DENND1C: variants seen among roughly 807,000 people sequenced by gnomAD.
DENND1C encodes the protein DENN domain containing 1C.
In DENND1C, 64 loss-of-function variants were observed where a neutral mutation model predicts 87.9. That is an observed-to-expected ratio of 0.73 (90% CI 0.60 to 0.90). The LOEUF (loss-of-function observed/expected upper bound fraction) is 0.90, where lower values mean the gene tolerates loss of function less well. DENND1C is among the 40% of genes least tolerant of loss of function. DENND1C has a pLI of 0.00. For missense variants in DENND1C, 980 were observed against 1,037.0 expected, an observed-to-expected ratio of 0.95 and a Z score of 0.76; for synonymous variants, 384 against 424.4, an observed-to-expected ratio of 0.90 and a Z score of 1.17.
At position 6,476,937 on chromosome 19, in the gene DENND1C, T is replaced by C. The variant is rs756013387; in HGVS notation, c.598A>G (p.Thr200Ala). Residue 200 changes from threonine to alanine, a missense_variant, in exon 10 of 23, where the codon ACT becomes GCT. Physicochemically the swap from Thr to Ala is moderately conservative, Grantham distance 58. Coordinates refer to ENST00000381480, the MANE Select transcript of DENND1C (RefSeq NM_024898.4). ...RNLTELVVAV[T>A]DENIVGLFAA... The stretch of plus-strand genomic sequence containing the variant: ...AACAGCCCCACGATGTTCTCGTCAG[T>C]CACGGCCACCACCAGCTCCGTTAGG... 3.1e-6 allele frequency: 5 copies of C among 1,613,506 alleles called. No individual in the cohort carries two copies. In the African/African-American group the frequency reaches 6.7e-5, roughly 22 times the overall value.
intron 6 of DENND1C, 138 bp downstream of exon 6, chr19:6,478,645 G>A (rs1317035402): frequency 1.4e-5 from 14 of 985,292 alleles, no homozygotes; most frequent in Non-Finnish European, 1.8e-5. Context: ...CTCCCACCTC[G>A]GCCTCCCAAA....
intron 6 of DENND1C, among the ~76,000 whole-genome samples, chr19:6,477,933 G>A (rs186194795): frequency 1.7e-3 from 260 of 150,878 alleles, no homozygotes; most frequent in African/African-American, 6.2e-3. Flanking sequence ...AAAATTAGCC[G>A]GGCTGGTGGG....
intron 1 of DENND1C, chr19:6,480,524 A>G (rs1913485903): frequency 1.0e-6 from 1 of 958,210 alleles, no homozygotes; most frequent in Non-Finnish European, 1.2e-6. Flanking sequence ...CCATCCATCC[A>G]TCCACCCACC....
intron 13 of DENND1C, 21 bp from the exon 14 acceptor site, chr19:6,475,420 C>T: frequency 6.2e-7 from 1 of 1,612,380 alleles, no homozygotes; most frequent in African/African-American, 1.3e-5. Context: ...AGGGAGTGGC[C>T]CTGAGTGGGC....
chr19:6,475,236 A>G, intron 14 of DENND1C, 38 bp downstream of exon 14: 3 of 1,610,082 alleles, frequency 1.9e-6, no homozygotes, highest in Non-Finnish European at 2.5e-6. Flanking sequence ...TCATTCAGGA[A>G]CCCACGAGAC....
At chr19:6,476,087 A>G in intron 10 of DENND1C, 150 bp from the exon 11 acceptor site, 1 of 743,470 alleles carries the variant, frequency 1.3e-6, no homozygotes, top group African/African-American at 1.8e-5. Flanking sequence ...TTTAGAAATC[A>G]TGTGGAGACC....
At chr19:6,469,799 T>G in intron 18 of DENND1C, 159 bp from the exon 19 acceptor site, 1 of 688,806 alleles carries the variant, frequency 1.5e-6, no homozygotes. Context: ...CAATGCAAAC[T>G]TTCACCCCTT....
intron 1 of DENND1C, 145 bp downstream of exon 1, chr19:6,481,534 G>T: frequency 1.8e-6 from 2 of 1,124,970 alleles, no homozygotes; most frequent in Non-Finnish European, 2.5e-6. Context: ...CATAGCGGAG[G>T]CCCATGGAGT....
chr19:6,476,217 G>A (rs2092859210), intron 10 of DENND1C: 1 of 439,402 alleles, frequency 2.3e-6, no homozygotes, highest in East Asian at 4.2e-5. Flanking sequence ...CATGCAGGTA[G>A]AGCAAGGACT....
At chr19:6,470,057 G>C in intron 18 of DENND1C, 1 of 512,072 alleles carries the variant, frequency 2.0e-6, no homozygotes. Context: ...ATTTTAAAGG[G>C]GCCGTGGGCG....
At chr19:6,481,059 C>T (rs977909053) in intron 1 of DENND1C, among the ~76,000 whole-genome samples, 3 of 151,708 alleles carry the variant, frequency 2.0e-5, no homozygotes, top group Admixed American at 2.0e-4. Flanking sequence ...CCCATAGAAC[C>T]CTCGTGGCTG....
At position 6,467,278 on chromosome 19, in the gene DENND1C, G is replaced by T; in HGVS notation, c.*226C>A. On this transcript the variant is annotated 3_prime_UTR_variant, in exon 23 of 23. Transcript: ENST00000381480. ...ATTAGCTGAGATGGAAGTGACAAAT[G>T]CCGAGAGGAATTGTAAGGTTGCCAG... is the stretch of plus-strand genomic sequence containing the variant. 1.8e-6 allele frequency: 1 copy of T among 565,922 alleles called. No individual in the cohort carries two copies. The highest frequency in any genetic ancestry group is 2.8e-6 in the Non-Finnish European group (1 of 352,528). The allele number at this position is 565,922 out of a possible 1,614,324, so 35.1% of individuals were successfully genotyped here. A position where few individuals can be genotyped will look rare whatever the true frequency, so the allele number is the denominator to read the frequency against.
chr19:6,474,185 ACT>A (rs1391106766), intron 14 of DENND1C, among the ~76,000 whole-genome samples: 6 of 149,930 alleles, frequency 4.0e-5, no homozygotes, highest in African/African-American at 1.5e-4. Flanking sequence ...AGAGAGCAAG[ACT>A]CTGTCTCAAG....
rs886195679 is a variant in DENND1C, at chr19:6,479,047, G to T, written c.186C>A (p.Pro62=). 1 of 1,613,860 alleles carries T rather than the reference G, an allele frequency of 6.2e-7. No homozygotes were observed. Among genetic ancestry groups the T allele is most frequent in the Non-Finnish European group, 8.5e-7 (1 of 1,179,834 alleles). Residue 62 remains proline, a synonymous_variant, in exon 5 of 23, where the codon CCC becomes CCA. Transcript: ENST00000381480. ...CFPFDVEREP[P]SPAVQHFTFA... ...AGGTGAAATGCTGCACGGCGGGGCT[G>T]GGGGGCTCCCTGGAGTGGGAAGGGC...
chr19:6,468,137 G>A lies in DENND1C; in HGVS notation c.1792-19C>T, dbSNP rs190372897. ...TGTTGGGCTAGGTGAGATGGATAGG[G>A]AAGTTGTGGCTTTTAGATGGCAGAG... On this transcript the variant is annotated intron_variant, in intron 22 of 22. Transcript: ENST00000381480. The A allele has an allele frequency of 7.1e-3, 11,511 of 1,611,010 alleles. 81 individuals are homozygous for A. The highest frequency in any genetic ancestry group is 0.011 in the South Asian group (983 of 90,964).
At chr19:6,470,739 A>C (rs2092824315) in intron 17 of DENND1C, among the ~76,000 whole-genome samples, 1 of 144,262 alleles carries the variant, frequency 6.9e-6, no homozygotes, top group Admixed American at 7.2e-5. Flanking sequence ...CTCCTGCCTC[A>C]GCTTCCCGAG....
intron 4 of DENND1C, 53 bp downstream of exon 4, chr19:6,479,616 G>T: frequency 6.2e-7 from 1 of 1,611,898 alleles, no homozygotes. Context: ...AGTCCTTGGG[G>T]CCCCTGAGAG....
Position 6,467,575 on chromosome 19 carries a change from T to A in DENND1C, c.2335A>T (p.Ser779Cys), listed in dbSNP as rs746958210. The part of the protein sequence containing the change: ...GALNSPATPT[S>C]NCQKSQPSSR... ...CTGGGCTGGGACTTTTGACAGTTGCTGGTGGGTGTAGCAGGGGAATTCAGG... is the reference window on the plus strand; with the variant it reads ...CTGGGCTGGGACTTTTGACAGTTGCAGGTGGGTGTAGCAGGGGAATTCAGG... The change falls in exon 23 of 23, where the codon AGC becomes TGC. Residue 779 changes from serine to cysteine, a missense_variant. By Grantham distance (112) the Ser-to-Cys change is moderately radical (BLOSUM62 -1). Transcript: ENST00000381480. 8 of 1,606,696 alleles carry A rather than the reference T, an allele frequency of 5.0e-6. No individual in the cohort carries two copies. The Admixed American group carries it at 1.4e-4, about 28-fold the overall frequency.
In DENND1C at chr19:6,477,277, C is replaced by G; in HGVS notation, c.454G>C (p.Gly152Arg). 6.3e-7 allele frequency: 1 copy of G among 1,590,034 alleles called. No homozygotes were observed. Among genetic ancestry groups the G allele is most frequent in the Non-Finnish European group, 8.6e-7 (1 of 1,164,662 alleles). Residue 152 changes from glycine to arginine, a missense_variant, in exon 8 of 23, where the codon GGA (glycine) becomes CGA (arginine). Physicochemically the swap from Gly to Arg is moderately radical, Grantham distance 125. Coordinates refer to ENST00000381480, the MANE Select transcript of DENND1C (RefSeq NM_024898.4). ...QASVGLELGS[G>R]VTVSSGQGIP... ...CCCTGCCCGCTGGAGACCGTCACTC[C>G]GCTGCCCTGGGGAAGAGGCACGACT...
Sources: allele counts gnomAD v4.1 joint callset (sites outside exome capture counted in the v4.1 genomes callset), GRCh38; gene constraint gnomAD v4.1.1; transcripts MANE v1.5; gene names NCBI Gene and HGNC (gene_info 2026-07-23, HGNC 2026-07-21).